The following TMEM40 variants were observed in gnomAD, a reference collection of about 807,000 sequenced individuals.
The protein encoded by TMEM40 is transmembrane protein 40.
A neutral mutation model predicts 40.8 loss-of-function variants in TMEM40; 34 were observed. The observed-to-expected ratio is 0.83, with a 90% confidence interval of 0.63 to 1.11. The LOEUF is 1.11. Among genes scored for constraint, TMEM40 ranks in the 50% least tolerant of loss-of-function variants. TMEM40 has a pLI of 0.00. For synonymous variants in TMEM40, 106 were observed against 107.0 expected, an observed-to-expected ratio of 0.99 and a Z score of 0.06; for missense variants, 296 against 280.2, an observed-to-expected ratio of 1.06 and a Z score of -0.40.
chr3:12,736,041 A>G (rs1440958433), intron 10 of TMEM40, among the ~76,000 whole-genome samples: 1 of 152,072 alleles, frequency 6.6e-6, no homozygotes, highest in Admixed American at 6.6e-5. Context: ...GGCACTTTAA[A>G]CTGTTGCTGT....
At position 12,733,531 on chromosome 3, in the gene TMEM40, C is replaced by A. The variant is rs550052209; in HGVS notation, c.*1243G>T. 6.6e-6 allele frequency: 1 copy of A among 152,142 alleles called. No individual in the cohort carries two copies. The highest frequency in any genetic ancestry group is 1.5e-5 in the Non-Finnish European group (1 of 68,012). The allele number at this position is 152,142 out of a possible 1,614,324, so 9.4% of individuals were successfully genotyped here. ...CAAGTCAGTAAGTTCATACTTCTAT[C>A]GTGAAAACTGTGTTTTATTTATATG... On this transcript the variant is annotated 3_prime_UTR_variant, in exon 12 of 12. Coordinates refer to ENST00000314124, the MANE Select transcript of TMEM40 (RefSeq NM_018306.4).
chr3:12,745,388 C>T (rs1445966453), intron 3 of TMEM40, among the ~76,000 whole-genome samples: 1 of 152,012 alleles, frequency 6.6e-6, no homozygotes, highest in Non-Finnish European at 1.5e-5. Flanking sequence ...ATTTTATCAG[C>T]TAGAGACAAC....
At chr3:12,746,010 G>A (rs2061424619) in intron 3 of TMEM40, among the ~76,000 whole-genome samples, 1 of 151,644 alleles carries the variant, frequency 6.6e-6, no homozygotes, top group African/African-American at 2.4e-5. Context: ...TGATTCTCCT[G>A]CCTCAGCCTC....
intron 1 of TMEM40, among the ~76,000 whole-genome samples, chr3:12,767,322 A>G (rs1344493591): frequency 6.6e-6 from 1 of 152,126 alleles, no homozygotes; most frequent in Non-Finnish European, 1.5e-5. Context: ...CCTCCAGGAC[A>G]GCAGGGGGGA....
chr3:12,756,321 A>C lies in TMEM40; in HGVS notation c.-9+2870T>G, dbSNP rs368050880. Among the ~76,000 whole-genome samples the C allele has an allele frequency of 1.4e-4, 21 of 152,292 alleles. 2 individuals are homozygous for C. The highest frequency in any genetic ancestry group is 2.6e-4 in the Admixed American group (4 of 15,304). ...TAACGGCCACCATACTTGTATATAC[A>C]TGTACATATCTATGCATATGTATAT... On this transcript the variant is annotated intron_variant, in intron 1 of 11. Coordinates refer to ENST00000314124, the MANE Select transcript of TMEM40 (RefSeq NM_018306.4).
upstream of TMEM40, among the ~76,000 whole-genome samples, chr3:12,761,846 A>G (rs1306022582): frequency 6.6e-6 from 1 of 152,198 alleles, no homozygotes; most frequent in East Asian, 1.9e-4. Flanking sequence ...GTGAGTGTAA[A>G]ATAACACTAG....
chr3:12,749,266 T>C (rs2106615699), intron 2 of TMEM40, among the ~76,000 whole-genome samples: 1 of 152,254 alleles, frequency 6.6e-6, no homozygotes, highest in African/African-American at 2.4e-5. Context: ...CCTTCTGATC[T>C]GCCCGCCTCG....
At chr3:12,758,911 T>G (rs986659731) in intron 1 of TMEM40, among the ~76,000 whole-genome samples, 38 of 152,116 alleles carry the variant, frequency 2.5e-4, no homozygotes, top group Non-Finnish European at 5.0e-4. Context: ...TTTCTGAAAG[T>G]CTTGCAGCAA....
At chr3:12,768,952 C>T (rs930798298) in intron 1 of TMEM40, among the ~76,000 whole-genome samples, 2 of 1,856 alleles carry the variant, frequency 1.1e-3, no homozygotes, top group African/African-American at 9.5e-3. Flanking sequence ...GCGGGGGGGG[C>T]GGGGGGGCGC....
At chr3:12,768,513 A>G (rs554847829) in intron 1 of TMEM40, among the ~76,000 whole-genome samples, 1 of 152,234 alleles carries the variant, frequency 6.6e-6, no homozygotes, top group South Asian at 2.1e-4. Flanking sequence ...ACAATCCCTT[A>G]GCTAGACATA....
At chr3:12,754,344 T>C (rs867387097) in intron 1 of TMEM40, among the ~76,000 whole-genome samples, 5 of 151,658 alleles carry the variant, frequency 3.3e-5, no homozygotes, top group African/African-American at 1.2e-4. Context: ...CAAAACAAAA[T>C]AATGGCTGTA....
At chr3:12,743,845 GA>G in intron 4 of TMEM40, 54 bp downstream of exon 4, 1 of 1,545,866 alleles carries the variant, frequency 6.5e-7, no homozygotes, top group African/African-American at 1.4e-5. Flanking sequence ...GTCCCACGGA[GA>G]AACTCAACGG....
At chr3:12,751,468 C>T (rs540993680) in intron 1 of TMEM40, among the ~76,000 whole-genome samples, 27 of 151,768 alleles carry the variant, frequency 1.8e-4, no homozygotes, top group African/African-American at 6.3e-4. Flanking sequence ...TTAGTAGAGA[C>T]GTGGTTTCAC....
At chr3:12,741,256 GGTTCTTGGTGCCT>G (rs1160604543) in intron 5 of TMEM40, 1 of 152,264 alleles carries the variant, frequency 6.6e-6, no homozygotes, top group Non-Finnish European at 1.5e-5. Flanking sequence ...TTCACCATGT[GGTTCTTGGTGCCT>G]GTTCTAGTTC....
At chr3:12,747,439 GTGAGAAT>G (rs1163722430) in intron 3 of TMEM40, among the ~76,000 whole-genome samples, 1 of 151,926 alleles carries the variant, frequency 6.6e-6, no homozygotes, top group Non-Finnish European at 1.5e-5. Flanking sequence ...ATGGGTTGCT[GTGAGAAT>G]TGAGTTATTA....
rs1253897426 is a variant in TMEM40 at position 12,735,617 on chromosome 3, A to G, written c.620T>C (p.Val207Ala). Residue 207 changes from valine to alanine, a missense_variant and splice_region_variant, in exon 11 of 12, where the codon GTG (valine) becomes GCG (alanine). Physicochemically the swap from Val to Ala is moderately conservative, Grantham distance 64. Transcript: ENST00000314124. ...LETVGIYFGL[V>A]YRIHSVLQGF... ...TTGGAGGACGCTGTGGATACGGTACACTGCTCAGAAGCAAAGAAAAAAGTA... is the reference window on the plus strand; with the variant it reads ...TTGGAGGACGCTGTGGATACGGTACGCTGCTCAGAAGCAAAGAAAAAAGTA... 1 of 1,611,014 alleles carries G rather than the reference A, an allele frequency of 6.2e-7. No individual in the cohort carries two copies. The highest frequency in any genetic ancestry group is 1.3e-5 in the African/African-American group (1 of 74,662).
intron 1 of TMEM40, among the ~76,000 whole-genome samples, chr3:12,768,694 A>G (rs2061605919): frequency 6.6e-6 from 1 of 152,050 alleles, no homozygotes; most frequent in Admixed American, 6.5e-5. Flanking sequence ...AAGGTTCTCC[A>G]AGTCCACACT....
At chr3:12,736,552 G>T in intron 10 of TMEM40, 26 bp downstream of exon 10, 1 of 1,549,090 alleles carries the variant, frequency 6.5e-7, no homozygotes, top group Non-Finnish European at 8.7e-7. Flanking sequence ...GACTGTGTGT[G>T]TGTCCATGCT....
At position 12,738,728 on chromosome 3, in the gene TMEM40, G is replaced by C. The variant is rs2106607167; in HGVS notation, c.356-140C>G. ...CAGGTGGGGAATGGAGCCGGCTGGA[G>C]GGTTCCTGTTCCAACTAAAGGGGCA... On this transcript the variant is annotated intron_variant, in intron 5 of 11. Transcript: ENST00000314124. The C allele has an allele frequency of 9.4e-6, 8 of 851,098 alleles. No individual in the cohort carries two copies. The South Asian group carries it at 1.0e-4, about 11-fold the overall frequency. 52.7% of individuals were successfully genotyped at this position (851,098 alleles called of 1,614,324 possible). A position where few individuals can be genotyped will look rare whatever the true frequency, so the allele number is the denominator to read the frequency against.
Sources: allele counts gnomAD v4.1 joint callset (sites outside exome capture counted in the v4.1 genomes callset), GRCh38; gene constraint gnomAD v4.1.1; transcripts MANE v1.5; gene names NCBI Gene and HGNC (gene_info 2026-07-23, HGNC 2026-07-21).